Variants in MAGI1 observed in about 807,000 individuals in gnomAD.
MAGI1 encodes membrane associated guanylate kinase, WW and PDZ domain containing 1.
MAGI1 carries 58 observed loss-of-function variants against 139.9 expected under a neutral mutation model. The ratio of observed to expected loss-of-function variants is 0.41; its 90% CI spans 0.34 to 0.52. The LOEUF (loss-of-function observed/expected upper bound fraction) is 0.52, where lower values mean the gene tolerates loss of function less well. Among genes scored for constraint, MAGI1 ranks in the 20% least tolerant of loss-of-function variants. The pLI, the probability that MAGI1 is intolerant of heterozygous loss-of-function variation, is 0.12. For synonymous variants in MAGI1, 812 were observed against 737.9 expected, an observed-to-expected ratio of 1.10 and a Z score of -1.63; for missense variants, 1,874 against 1,901.6, an observed-to-expected ratio of 0.99 and a Z score of 0.27.
intron 12 of MAGI1, among the ~76,000 whole-genome samples, chr3:65,414,885 C>T (rs533603094): frequency 1.5e-4 from 22 of 149,852 alleles, no homozygotes; most frequent in Non-Finnish European, 2.5e-4. Flanking sequence ...CAAAATTAGC[C>T]GGGTGTGGTG....
intron 1 of MAGI1, among the ~76,000 whole-genome samples, chr3:65,984,741 T>C (rs1452423824): frequency 1.4e-5 from 2 of 141,442 alleles, no homozygotes; most frequent in East Asian, 2.1e-4. Context: ...GAGATAGGAG[T>C]CTCACTATGT....
At chr3:66,005,297 G>A (rs1326899277) in intron 1 of MAGI1, among the ~76,000 whole-genome samples, 1 of 152,110 alleles carries the variant, frequency 6.6e-6, no homozygotes, top group Non-Finnish European at 1.5e-5. Context: ...AGGAGATGGG[G>A]AGGCAGAGAA....
chr3:65,507,906 T>A (rs2077365982), intron 2 of MAGI1, among the ~76,000 whole-genome samples: 1 of 151,960 alleles, frequency 6.6e-6, no homozygotes, highest in East Asian at 1.9e-4. Flanking sequence ...ATTTTTTTTT[T>A]AACAACAGCA....
intron 2 of MAGI1, among the ~76,000 whole-genome samples, chr3:65,517,569 C>T (rs1460169173): frequency 1.3e-5 from 2 of 152,208 alleles, no homozygotes; most frequent in South Asian, 4.1e-4. Flanking sequence ...AGTGGACTAG[C>T]TACTTCCCAT....
At chr3:65,940,505 G>A (rs60167566) in intron 1 of MAGI1, among the ~76,000 whole-genome samples, 1 of 152,098 alleles carries the variant, frequency 6.6e-6, no homozygotes, top group African/African-American at 2.4e-5. Flanking sequence ...TGTTTTATAA[G>A]AGCACTAATC....
intron 14 of MAGI1, among the ~76,000 whole-genome samples, chr3:65,387,723 G>A (rs1305497973): frequency 6.6e-6 from 1 of 152,148 alleles, no homozygotes; most frequent in African/African-American, 2.4e-5. Context: ...GCAGATCAAT[G>A]GATCTATCCG....
At chr3:65,498,443 A>G (rs965627965) in intron 2 of MAGI1, among the ~76,000 whole-genome samples, 9 of 152,294 alleles carry the variant, frequency 5.9e-5, no homozygotes, top group African/African-American at 2.2e-4. Context: ...AAAAAGAAAA[A>G]AAAATATATA....
At chr3:65,497,381 T>C (rs1229152331) in intron 2 of MAGI1, among the ~76,000 whole-genome samples, 2 of 152,162 alleles carry the variant, frequency 1.3e-5, no homozygotes, top group Non-Finnish European at 2.9e-5. Flanking sequence ...GTGTGATGTC[T>C]TGGAGCCAAG....
intron 1 of MAGI1, among the ~76,000 whole-genome samples, chr3:66,025,552 A>G (rs1396809468): frequency 6.6e-6 from 1 of 152,210 alleles, no homozygotes; most frequent in Non-Finnish European, 1.5e-5. Context: ...CAAAAAAACA[A>G]AAAAACAAAC....
intron 1 of MAGI1, among the ~76,000 whole-genome samples, chr3:65,983,273 C>T (rs999442567): frequency 6.6e-6 from 1 of 152,170 alleles, no homozygotes; most frequent in Non-Finnish European, 1.5e-5. Context: ...TCTGGTCTTG[C>T]CTTCTGCTTC....
chr3:65,983,347 G>A (rs1194437416), intron 1 of MAGI1, among the ~76,000 whole-genome samples: 1 of 152,180 alleles, frequency 6.6e-6, no homozygotes, highest in East Asian at 1.9e-4. Context: ...GGAAAATTAA[G>A]TGAAGTTCTT....
chr3:65,443,381 T>A (rs1397432511), intron 7 of MAGI1, among the ~76,000 whole-genome samples: 3 of 152,234 alleles, frequency 2.0e-5, no homozygotes, highest in Non-Finnish European at 4.4e-5. Context: ...TTGCTATCTC[T>A]GGGCTGGCCC....
chr3:65,921,795 C>T lies in MAGI1; in HGVS notation c.313+116201G>A, dbSNP rs375816613. On this transcript the variant is annotated intron_variant, in intron 1 of 22. Coordinates refer to ENST00000402939, the MANE Select transcript of MAGI1 (RefSeq NM_001033057.2). Reference sequence around the variant, plus strand: ...CCTGCTAGTAAAAGTTAAAGGAACACAGAAGAAAATCAGGAAAGAAAGTTA... The same window carrying T: ...CCTGCTAGTAAAAGTTAAAGGAACATAGAAGAAAATCAGGAAAGAAAGTTA... 1.1e-3 allele frequency among the ~76,000 whole-genome samples: 170 copies of T among 151,856 alleles called. No homozygotes were observed. The East Asian group carries it at 0.027, about 24-fold the overall frequency.
chr3:66,017,679 G>A (rs561120242), intron 1 of MAGI1, among the ~76,000 whole-genome samples: 30 of 152,288 alleles, frequency 2.0e-4, no homozygotes, highest in Non-Finnish European at 4.1e-4. Context: ...GATGGTGCAC[G>A]TGTGGCCCTC....
chr3:65,802,778 T>G (rs1324917214), intron 1 of MAGI1, among the ~76,000 whole-genome samples: 6 of 151,908 alleles, frequency 3.9e-5, no homozygotes, highest in Admixed American at 2.6e-4. Context: ...AAGTACCGAA[T>G]GCCTAACCAT....
chr3:65,995,563 T>C (rs533305215), intron 1 of MAGI1, among the ~76,000 whole-genome samples: 38 of 151,918 alleles, frequency 2.5e-4, no homozygotes, highest in East Asian at 7.7e-4. Flanking sequence ...AGAGATCAGA[T>C]CCTAAATGTA....
chr3:65,874,623 C>T (rs264700), intron 1 of MAGI1: 49,411 of 152,084 alleles, frequency 0.32, 10,678 homozygotes, highest in African/African-American at 0.62. Flanking sequence ...GTGCTGGTGA[C>T]GACGTGAAGA....
At chr3:65,949,735 T>C (rs1249442224) in intron 1 of MAGI1, among the ~76,000 whole-genome samples, 1 of 152,178 alleles carries the variant, frequency 6.6e-6, no homozygotes, top group Non-Finnish European at 1.5e-5. Context: ...TAAACTTTCC[T>C]ATCTAGGGAA....
intron 1 of MAGI1, among the ~76,000 whole-genome samples, chr3:65,928,407 A>G (rs1462154264): frequency 6.6e-6 from 1 of 152,218 alleles, no homozygotes; most frequent in African/African-American, 2.4e-5. Flanking sequence ...GAACTTAAAG[A>G]AAGTTTTTCA....
Sources: gnomAD v4.1 joint callset for allele counts (sites outside exome capture counted in the v4.1 genomes callset) on GRCh38, gnomAD v4.1.1 for gene constraint, MANE v1.5 for transcripts, NCBI Gene and HGNC (gene_info 2026-07-23, HGNC 2026-07-21) for gene names.